SEM1: variants seen among roughly 807,000 people sequenced by gnomAD.
SEM1 encodes the protein SEM1 26S proteasome subunit.
Under a neutral mutation model 12.7 loss-of-function variants are expected in SEM1, and 3 were observed. The ratio of observed to expected loss-of-function variants is 0.24; its 90% CI spans 0.11 to 0.61. The LOEUF is 0.61. Among genes scored for constraint, SEM1 ranks in the 20% least tolerant of loss-of-function variants. SEM1 has a pLI of 0.88. For missense variants in SEM1, 59 were observed against 81.3 expected (o/e 0.73, Z 1.06); for synonymous variants, 30 against 27.8 (o/e 1.08, Z -0.25).
chr7:96,686,859 G>A (rs1487759724), downstream of SEM1, among the ~76,000 whole-genome samples: 5 of 152,116 alleles, frequency 3.3e-5, no homozygotes, highest in African/African-American at 4.8e-5. Context: ...GCAACCTACA[G>A]AATGGGAGAA....
At position 96,694,677 on chromosome 7, in the gene SEM1, C is replaced by G. The variant is rs1388243666; in HGVS notation, c.170+121G>C. ...TGAAGACAATATGTCTTACTTTACA[C>G]AGTTCAAAAACCTATTTCAAAGATT... On this transcript the variant is annotated intron_variant, in intron 2 of 2. Coordinates refer to ENST00000248566, the MANE Select transcript of SEM1 (RefSeq NM_006304.2). The G allele has an allele frequency of 9.8e-6, 6 of 611,186 alleles. No individual in the cohort carries two copies. The East Asian group carries it at 1.6e-4, about 17-fold the overall frequency. 37.9% of individuals were successfully genotyped at this position (611,186 alleles called of 1,614,324 possible).
At chr7:96,639,034 G>A (rs541447861) in intron 2 of SEM1, among the ~76,000 whole-genome samples, 34 of 151,936 alleles carry the variant, frequency 2.2e-4, no homozygotes, top group Admixed American at 2.0e-3. Context: ...CAGATCTTAG[G>A]ATACCACCTG....
chr7:96,703,052 A>C (rs1790318981), intron 1 of SEM1, among the ~76,000 whole-genome samples: 1 of 152,242 alleles, frequency 6.6e-6, no homozygotes, highest in Non-Finnish European at 1.5e-5. Context: ...AATGGGAGAA[A>C]GCTGAAAGTG....
At chr7:96,616,391 T>C (rs1028855176) in intron 2 of SEM1, among the ~76,000 whole-genome samples, 3 of 152,174 alleles carry the variant, frequency 2.0e-5, no homozygotes, top group East Asian at 1.9e-4. Context: ...ATGGTTTTTT[T>C]TCAGTGTTTG....
rs188045802 is a variant in SEM1, at chr7:96,549,884, A to G, written c.171-43186T>C. Among the ~76,000 whole-genome samples, 9 of 152,260 alleles carry G rather than the reference A, an allele frequency of 5.9e-5. No individual in the cohort carries two copies. The East Asian group carries it at 1.7e-3, about 29-fold the overall frequency. On this transcript the variant is annotated intron_variant and NMD_transcript_variant, in intron 2 of 3. Transcript: ENST00000466986. ...TAGTTTGATGAGAATGCTTTTACCTATGCACAATAGCATTTCGGCTATGTA... is the reference window on the plus strand; with the variant it reads ...TAGTTTGATGAGAATGCTTTTACCTGTGCACAATAGCATTTCGGCTATGTA...
chr7:96,612,856 C>T (rs942394925), intron 2 of SEM1, among the ~76,000 whole-genome samples: 12 of 152,192 alleles, frequency 7.9e-5, no homozygotes, highest in African/African-American at 1.9e-4. Flanking sequence ...AGGATGGTCT[C>T]GATCTCCTGA....
intron 1 of SEM1, among the ~76,000 whole-genome samples, chr7:96,708,429 T>C (rs963560139): frequency 6.6e-6 from 1 of 152,232 alleles, no homozygotes; most frequent in African/African-American, 2.4e-5. Context: ...TTATGCACAA[T>C]AGGATCATCA....
intron 3 of SEM1, among the ~76,000 whole-genome samples, chr7:96,502,073 G>A (rs923846161): frequency 1.1e-4 from 16 of 152,064 alleles, no homozygotes; most frequent in African/African-American, 3.6e-4. Context: ...CTTTTTAATG[G>A]CTGCAGAGTA....
chr7:96,617,053 T>C (rs1306785470), intron 2 of SEM1, among the ~76,000 whole-genome samples: 1 of 152,122 alleles, frequency 6.6e-6, no homozygotes, highest in Non-Finnish European at 1.5e-5. Flanking sequence ...TTCATACGAA[T>C]TTCAGGATGT....
downstream of SEM1, among the ~76,000 whole-genome samples, chr7:96,684,604 T>C (rs1789708897): frequency 2.6e-5 from 4 of 152,040 alleles, no homozygotes; most frequent in Admixed American, 6.6e-5. Flanking sequence ...GGATTGGATA[T>C]TGGGAGAACA....
At position 96,598,746 on chromosome 7, in the gene SEM1, C is replaced by T. The variant is rs1212360936; in HGVS notation, c.171-92048G>A. Among the ~76,000 whole-genome samples the T allele has an allele frequency of 2.0e-5, 3 of 152,242 alleles. No homozygotes were observed. In the East Asian group the frequency reaches 5.8e-4, roughly 29 times the overall value. On this transcript the variant is annotated intron_variant and NMD_transcript_variant, in intron 2 of 3. Transcript: ENST00000466986. ...TGTCTTTTTGACCACAGGCCCCAGACCACTGAGTTTATATGCTCACTTTGT... is the reference window on the plus strand; with the variant it reads ...TGTCTTTTTGACCACAGGCCCCAGATCACTGAGTTTATATGCTCACTTTGT...
downstream of SEM1, among the ~76,000 whole-genome samples, chr7:96,621,359 C>T (rs1334286595): frequency 2.6e-5 from 4 of 152,078 alleles, no homozygotes; most frequent in Non-Finnish European, 5.9e-5. Context: ...CAAAAAGTTT[C>T]CATTTTGTTC....
intron 2 of SEM1, among the ~76,000 whole-genome samples, chr7:96,486,027 A>G (rs1035013125): frequency 6.6e-6 from 1 of 152,164 alleles, no homozygotes; most frequent in Non-Finnish European, 1.5e-5. Context: ...TCTAAAAATC[A>G]TTATGTAAGG....
chr7:96,691,743 G>T (rs1789938787), intron 2 of SEM1, among the ~76,000 whole-genome samples: 1 of 152,194 alleles, frequency 6.6e-6, no homozygotes, highest in Admixed American at 6.5e-5. Context: ...AGTCATATGT[G>T]GCTATTTTAA....
chr7:96,593,605 A>T (rs1274297030), intron 2 of SEM1, among the ~76,000 whole-genome samples: 1 of 152,246 alleles, frequency 6.6e-6, no homozygotes, highest in African/African-American at 2.4e-5. Context: ...TAAGACCTCC[A>T]GAAAATGGGG....
At chr7:96,508,210 A>G (rs1205579384) in intron 2 of SEM1, among the ~76,000 whole-genome samples, 1 of 152,142 alleles carries the variant, frequency 6.6e-6, no homozygotes, top group Non-Finnish European at 1.5e-5. Flanking sequence ...GAAATGGAAG[A>G]GTGGAGATTC....
chr7:96,522,699 G>T (rs1271108874), intron 2 of SEM1, among the ~76,000 whole-genome samples: 1 of 144,196 alleles, frequency 6.9e-6, no homozygotes, highest in Non-Finnish European at 1.5e-5. Flanking sequence ...CCAACATGGA[G>T]AAACCCCGTC....
chr7:96,638,003 C>T (rs1232667724), intron 2 of SEM1, among the ~76,000 whole-genome samples: 2 of 152,018 alleles, frequency 1.3e-5, no homozygotes, highest in Non-Finnish European at 2.9e-5. Context: ...GAGCTAATGG[C>T]TACCAATGAA....
At chr7:96,644,692 C>G (rs1437353238) in intron 2 of SEM1, among the ~76,000 whole-genome samples, 2 of 152,158 alleles carry the variant, frequency 1.3e-5, no homozygotes, top group African/African-American at 4.8e-5. Flanking sequence ...CCCTCAGTTG[C>G]AGTGTGACGT....
Sources: allele counts gnomAD v4.1 joint callset (sites outside exome capture counted in the v4.1 genomes callset), GRCh38; gene constraint gnomAD v4.1.1; transcripts MANE v1.5; gene names NCBI Gene and HGNC (gene_info 2026-07-23, HGNC 2026-07-21).